TMTC1: variants seen among roughly 807,000 people sequenced by gnomAD.
The protein encoded by TMTC1 is transmembrane O-mannosyltransferase targeting cadherins 1.
TMTC1 carries 73 observed loss-of-function variants against 104.8 expected under a neutral mutation model. The observed-to-expected ratio is 0.70, with a 90% CI of 0.58 to 0.85. The LOEUF (loss-of-function observed/expected upper bound fraction) is 0.85, where lower values mean the gene tolerates loss of function less well. Ranked by LOEUF, TMTC1 falls within the 40% of genes least tolerant of loss-of-function variation. TMTC1 has a pLI of 0.00. For missense variants in TMTC1, 1,035 were observed against 1,096.1 expected, an observed-to-expected ratio of 0.94 and a Z score of 0.79; for synonymous variants, 434 against 428.7, an observed-to-expected ratio of 1.01 and a Z score of -0.15.
intron 3 of TMTC1, among the ~76,000 whole-genome samples, chr12:29,758,103 C>T (rs567710376): frequency 4.7e-4 from 72 of 152,268 alleles, no homozygotes; most frequent in Non-Finnish European, 1.0e-3. Flanking sequence ...TCTATATGGA[C>T]ATGACATGAC....
chr12:29,602,536 G>A (rs558662414), intron 7 of TMTC1, among the ~76,000 whole-genome samples: 3 of 152,208 alleles, frequency 2.0e-5, no homozygotes, highest in East Asian at 1.9e-4. Flanking sequence ...GAGGAATCAC[G>A]ATCATGTTTA....
intron 5 of TMTC1, among the ~76,000 whole-genome samples, chr12:29,680,202 A>AT (rs1397397415): frequency 6.6e-6 from 1 of 152,152 alleles, no homozygotes; most frequent in Non-Finnish European, 1.5e-5. Flanking sequence ...TGAATAGAAA[A>AT]CATCAGACTG....
chr12:29,749,680 T>A (rs895035501), intron 5 of TMTC1, among the ~76,000 whole-genome samples: 4 of 152,168 alleles, frequency 2.6e-5, no homozygotes, highest in African/African-American at 9.7e-5. Flanking sequence ...GGGAATTTCA[T>A]GCATTATTAT....
intron 5 of TMTC1, among the ~76,000 whole-genome samples, chr12:29,736,930 G>T (rs1277457936): frequency 1.3e-5 from 2 of 152,182 alleles, no homozygotes; most frequent in African/African-American, 4.8e-5. Context: ...GCAGTTCCAC[G>T]AAGAGCAGCA....
chr12:29,729,696 C>T (rs1942495964), intron 5 of TMTC1, among the ~76,000 whole-genome samples: 1 of 152,112 alleles, frequency 6.6e-6, no homozygotes, highest in African/African-American at 2.4e-5. Flanking sequence ...TAGATAATCC[C>T]CCTCCAATGA....
At chr12:29,523,329 G>A (rs1944238314) in intron 11 of TMTC1, among the ~76,000 whole-genome samples, 1 of 152,208 alleles carries the variant, frequency 6.6e-6, no homozygotes, top group Non-Finnish European at 1.5e-5. Flanking sequence ...ACAGAAAAAG[G>A]AAAGCGACTT....
At chr12:29,721,420 T>G (rs10743671) in intron 5 of TMTC1, among the ~76,000 whole-genome samples, 1 of 151,862 alleles carries the variant, frequency 6.6e-6, no homozygotes, top group African/African-American at 2.4e-5. Context: ...AGCATAGTTA[T>G]AACAAATTAG....
intron 8 of TMTC1, among the ~76,000 whole-genome samples, chr12:29,573,854 G>C (rs1945748199): frequency 6.6e-6 from 1 of 152,094 alleles, no homozygotes; most frequent in African/African-American, 2.4e-5. Context: ...GAGCAGCAGA[G>C]AATCAGTGCA....
intron 5 of TMTC1, among the ~76,000 whole-genome samples, chr12:29,662,222 T>C (rs1480298881): frequency 6.6e-6 from 1 of 152,188 alleles, no homozygotes; most frequent in Non-Finnish European, 1.5e-5. Context: ...TCAAAGGGGT[T>C]TTCCCCAACA....
At chr12:29,550,801 T>C (rs779888482) in intron 10 of TMTC1, among the ~76,000 whole-genome samples, 26 of 151,712 alleles carry the variant, frequency 1.7e-4, no homozygotes, top group Admixed American at 1.4e-3. Context: ...CTGAGGATGA[T>C]GGAAGAAGGT....
chr12:29,671,596 G>A (rs983856603), intron 5 of TMTC1, among the ~76,000 whole-genome samples: 3 of 152,196 alleles, frequency 2.0e-5, no homozygotes, highest in African/African-American at 7.2e-5. Flanking sequence ...AGGTGCTATT[G>A]CTATGCTCAT....
In TMTC1 at chr12:29,536,019, C is replaced by G. The variant is rs1008158628; in HGVS notation, c.1785+190G>C. 3 of 560,886 alleles carry G rather than the reference C, an allele frequency of 5.3e-6. No individual in the cohort carries two copies. In the African/African-American group the frequency reaches 5.8e-5, roughly 11 times the overall value. 34.7% of individuals were successfully genotyped at this position (560,886 alleles called of 1,614,324 possible). ...ATAACGGACCATCTTTGTCTAAAAGCGACCTGTGATACACAGAGAATATTG... is the reference window on the plus strand; with the variant it reads ...ATAACGGACCATCTTTGTCTAAAAGGGACCTGTGATACACAGAGAATATTG... On this transcript the variant is annotated intron_variant, in intron 11 of 17. Coordinates refer to ENST00000539277, the MANE Select transcript of TMTC1 (RefSeq NM_001193451.2).
chr12:29,645,443 A>C (rs1464502791), intron 5 of TMTC1, among the ~76,000 whole-genome samples: 1 of 152,208 alleles, frequency 6.6e-6, no homozygotes, highest in African/African-American at 2.4e-5. Flanking sequence ...TACCATGGAT[A>C]AAGTATAAAG....
intron 5 of TMTC1, among the ~76,000 whole-genome samples, chr12:29,701,577 ACTC>A (rs1432719789): frequency 6.6e-6 from 1 of 151,186 alleles, no homozygotes; most frequent in Non-Finnish European, 1.5e-5. Context: ...ACCTCCTTTC[ACTC>A]CTCTTTTATC....
intron 2 of TMTC1, among the ~76,000 whole-genome samples, chr12:29,766,830 CT>C (rs1943475518): frequency 6.6e-6 from 1 of 152,146 alleles, no homozygotes; most frequent in Admixed American, 6.5e-5. Context: ...TCATCTACCC[CT>C]AGCCATGCAC....
intron 5 of TMTC1, among the ~76,000 whole-genome samples, chr12:29,739,834 G>A (rs1387902837): frequency 6.6e-6 from 1 of 151,514 alleles, no homozygotes; most frequent in Non-Finnish European, 1.5e-5. Context: ...TCAGCCTACC[G>A]AATAGCTGCG....
At chr12:29,560,924 G>C (rs1381562082) in intron 9 of TMTC1, among the ~76,000 whole-genome samples, 2 of 152,146 alleles carry the variant, frequency 1.3e-5, no homozygotes. Context: ...AGTTCCAGAG[G>C]ACCTAGGATG....
At chr12:29,731,456 T>C (rs1293329213) in intron 5 of TMTC1, among the ~76,000 whole-genome samples, 2 of 152,118 alleles carry the variant, frequency 1.3e-5, no homozygotes, top group Admixed American at 6.6e-5. Flanking sequence ...CGGCCGCAAA[T>C]TGGATTTTAA....
At position 29,755,755 on chromosome 12, in the gene TMTC1, A is replaced by G. The variant is rs760796622; in HGVS notation, c.685T>C (p.Cys229Arg). Residue 229 changes from cysteine to arginine, a missense_variant, in exon 4 of 18, where the codon TGC becomes CGC. Transcript: ENST00000539277. ...KETGITVFGVCLVYDLFSLSN... is the reference protein window; with the variant it reads ...KETGITVFGVRLVYDLFSLSN... ...AGGGAAAAGAGGTCATAAACCAAGC[A>G]CACTCCAAACACCGTGATGCCTGTC... The G allele has an allele frequency of 6.2e-7, 1 of 1,614,176 alleles. No individual in the cohort carries two copies. Among genetic ancestry groups the G allele is most frequent in the Non-Finnish European group, 8.5e-7 (1 of 1,180,024 alleles).
Sources: gnomAD v4.1 joint callset for allele counts (sites outside exome capture counted in the v4.1 genomes callset) on GRCh38, gnomAD v4.1.1 for gene constraint, MANE v1.5 for transcripts, NCBI Gene and HGNC (gene_info 2026-07-23, HGNC 2026-07-21) for gene names.